Variants in LIPC observed in about 807,000 individuals in gnomAD.
LIPC encodes hepatic triacylglycerol lipase.
In LIPC, 44 loss-of-function variants were observed where a neutral mutation model predicts 50.7. The ratio of observed to expected loss-of-function variants is 0.87; its 90% CI spans 0.68 to 1.11. LIPC has a LOEUF of 1.11. Ranked by LOEUF, LIPC falls within the 50% of genes most tolerant of loss-of-function variation. The pLI is 0.00. For synonymous variants in LIPC, 271 were observed against 256.4 expected (o/e 1.06, Z -0.54); for missense variants, 697 against 648.2 (o/e 1.08, Z -0.82).
rs555830096 is a variant in LIPC, at chr15:58,541,357, G to A, written c.274-428G>A. 5.3e-5 allele frequency among the ~76,000 whole-genome samples: 8 copies of A among 152,152 alleles called. No homozygotes were observed. The East Asian group carries it at 9.7e-4, about 18-fold the overall frequency. ...TAGGGGTGAGGTGGGGCAGCTGCAC[G>A]CAGAAGGAGGCGTACAAATGGCCCT... On this transcript the variant is annotated intron_variant, in intron 2 of 8. Coordinates refer to ENST00000299022, the MANE Select transcript of LIPC (RefSeq NM_000236.3).
chr15:58,481,784 G>C (rs1891198528), intron 1 of LIPC, among the ~76,000 whole-genome samples: 1 of 152,228 alleles, frequency 6.6e-6, no homozygotes, highest in African/African-American at 2.4e-5. Context: ...GGCCAGCAGA[G>C]CGAGACTCCA....
chr15:58,515,539 T>C (rs1892459718), intron 1 of LIPC, among the ~76,000 whole-genome samples: 2 of 149,192 alleles, frequency 1.3e-5, no homozygotes, highest in Admixed American at 6.6e-5. Flanking sequence ...CACACATATA[T>C]ATATATATAT....
intron 1 of LIPC, among the ~76,000 whole-genome samples, chr15:58,448,496 C>T (rs748351384): frequency 6.6e-6 from 1 of 152,248 alleles, no homozygotes; most frequent in African/African-American, 2.4e-5. Context: ...CAATAAGATG[C>T]ACTCCCTCCC....
chr15:58,456,689 G>A (rs1200900716), intron 1 of LIPC, among the ~76,000 whole-genome samples: 2 of 152,236 alleles, frequency 1.3e-5, no homozygotes, highest in African/African-American at 4.8e-5. Context: ...CTACCTCATA[G>A]CCTCAGGTAG....
chr15:58,561,083 C>G, intron 7 of LIPC, 102 bp downstream of exon 7: 1 of 770,340 alleles, frequency 1.3e-6, no homozygotes, highest in Non-Finnish European at 2.4e-6. Context: ...GCTACAACTA[C>G]TTTATTCCAG....
chr15:58,458,847 T>G (rs1360910160), intron 1 of LIPC, among the ~76,000 whole-genome samples: 16 of 152,184 alleles, frequency 1.1e-4, no homozygotes, highest in Admixed American at 1.0e-3. Context: ...TACAGAGGGT[T>G]TTTTGCCACC....
chr15:58,457,913 T>C (rs1894193289), intron 1 of LIPC, among the ~76,000 whole-genome samples: 1 of 152,210 alleles, frequency 6.6e-6, no homozygotes, highest in Admixed American at 6.5e-5. Context: ...ATTTTCTACA[T>C]GGCTGTCTGT....
chr15:58,545,266 TCTCC>T (rs1289456870), intron 4 of LIPC, among the ~76,000 whole-genome samples: 5 of 151,786 alleles, frequency 3.3e-5, no homozygotes, highest in African/African-American at 1.2e-4. Context: ...TGAGACAGGA[TCTCC>T]CTCTGTTGCC....
intron 1 of LIPC, among the ~76,000 whole-genome samples, chr15:58,465,376 A>T (rs1894515253): frequency 6.6e-6 from 1 of 152,250 alleles, no homozygotes; most frequent in African/African-American, 2.4e-5. Context: ...GCTCTTCAAT[A>T]GTCTTAGTGT....
chr15:58,484,487 T>A (rs1269316103), intron 1 of LIPC, among the ~76,000 whole-genome samples: 1 of 152,250 alleles, frequency 6.6e-6, no homozygotes, highest in Non-Finnish European at 1.5e-5. Context: ...GCACCTACTA[T>A]GGGCCAGGCA....
At chr15:58,499,056 C>A (rs192720767) in intron 1 of LIPC, among the ~76,000 whole-genome samples, 2 of 152,312 alleles carry the variant, frequency 1.3e-5, no homozygotes, top group East Asian at 3.9e-4. Flanking sequence ...AGCAGGATTA[C>A]TCGGCACAAG....
chr15:58,457,033 C>A (rs1230514131), intron 1 of LIPC, among the ~76,000 whole-genome samples: 10 of 152,212 alleles, frequency 6.6e-5, no homozygotes, highest in Non-Finnish European at 1.5e-4. Context: ...CCTTTGTCAG[C>A]ATGCAGGTAT....
intron 1 of LIPC, among the ~76,000 whole-genome samples, chr15:58,479,257 A>G (rs1315143894): frequency 6.6e-6 from 1 of 152,272 alleles, no homozygotes; most frequent in Non-Finnish European, 1.5e-5. Flanking sequence ...AATCAATGCA[A>G]TAGCACTGTA....
chr15:58,490,957 A>G lies in LIPC; in HGVS notation c.89-47376A>G, dbSNP rs551471095. Among the ~76,000 whole-genome samples the G allele has an allele frequency of 4.6e-5, 7 of 152,364 alleles. No homozygotes were observed. The South Asian group carries it at 1.0e-3, about 23-fold the overall frequency. On this transcript the variant is annotated intron_variant, in intron 1 of 8. Transcript: ENST00000299022. ...CAGCTCACCTCCTAAGGAAAGAGCGAGCCCATTAAATAGCCAGGAAGGAAT... is the reference window on the plus strand; with the variant it reads ...CAGCTCACCTCCTAAGGAAAGAGCGGGCCCATTAAATAGCCAGGAAGGAAT...
At chr15:58,442,511 G>A (rs1321196802) in intron 1 of LIPC, among the ~76,000 whole-genome samples, 2 of 152,166 alleles carry the variant, frequency 1.3e-5, no homozygotes, top group African/African-American at 4.8e-5. Context: ...ATGAAAATAG[G>A]TATTTGATGC....
Position 58,557,160 on chromosome 15 carries a change from T to G in LIPC, c.1052-3704T>G, listed in dbSNP as rs534310369. On this transcript the variant is annotated intron_variant, in intron 6 of 8. Transcript: ENST00000299022. ...TAAAAGTTCAAGTTCTGGAGTCAGG[T>G]TGTGTGAGCCGACGCCCCAGCCATA... Among the ~76,000 whole-genome samples, 14 of 152,230 alleles carry G rather than the reference T, an allele frequency of 9.2e-5. No individual in the cohort carries two copies. In the East Asian group the frequency reaches 2.5e-3, roughly 27 times the overall value.
intron 1 of LIPC, among the ~76,000 whole-genome samples, chr15:58,439,414 G>A (rs1459404316): frequency 6.6e-6 from 1 of 152,130 alleles, no homozygotes; most frequent in Non-Finnish European, 1.5e-5. Flanking sequence ...ACTGTAGTGG[G>A]TAATGAAGCA....
At chr15:58,490,521 C>T (rs1891550582) in intron 1 of LIPC, among the ~76,000 whole-genome samples, 2 of 152,202 alleles carry the variant, frequency 1.3e-5, no homozygotes, top group East Asian at 3.8e-4. Flanking sequence ...CTGTAGTCTT[C>T]TCACCTCCGG....
chr15:58,567,981 C>T (rs965105770), intron 8 of LIPC, among the ~76,000 whole-genome samples: 18 of 152,056 alleles, frequency 1.2e-4, no homozygotes, highest in African/African-American at 3.1e-4. Flanking sequence ...TTTTAAAAGT[C>T]CAGTTTAGTG....
Sources: gnomAD v4.1 joint callset for allele counts (sites outside exome capture counted in the v4.1 genomes callset) on GRCh38, gnomAD v4.1.1 for gene constraint, MANE v1.5 for transcripts, NCBI Gene and HGNC (gene_info 2026-07-23, HGNC 2026-07-21) for gene names.